Variants in TNS4 observed in about 807,000 individuals in gnomAD.
TNS4 encodes tensin-4.
In TNS4, 46 loss-of-function variants were observed where a neutral mutation model predicts 70.4. The ratio of observed to expected loss-of-function variants is 0.65; its 90% CI spans 0.52 to 0.84. TNS4 has a LOEUF of 0.84. TNS4 is among the 40% of genes least tolerant of loss of function. The probability of loss-of-function intolerance (pLI) is 0.00; values close to 1 mark genes in which losing one functional copy is unlikely to be tolerated. For synonymous variants in TNS4, 390 were observed against 366.6 expected (o/e 1.06, Z -0.73); for missense variants, 863 against 907.0 (o/e 0.95, Z 0.62).
At chr17:40,500,722 C>G (rs1169078072) in intron 1 of TNS4, among the ~76,000 whole-genome samples, 1 of 152,186 alleles carries the variant, frequency 6.6e-6, no homozygotes, top group African/African-American at 2.4e-5. Flanking sequence ...TGAGTCTCCC[C>G]CAAAGCACTT....
intron 9 of TNS4, 68 bp from the exon 10 acceptor site, chr17:40,479,910 AG>A: frequency 6.7e-7 from 1 of 1,501,448 alleles, no homozygotes. Flanking sequence ...GCCCAGGGCC[AG>A]GGGAGGGGGT....
At chr17:40,492,608 T>G (rs1354068866) in intron 2 of TNS4, among the ~76,000 whole-genome samples, 1 of 141,158 alleles carries the variant, frequency 7.1e-6, no homozygotes, top group Non-Finnish European at 1.6e-5. Context: ...TTTTTTTTTT[T>G]TTTTTGTTTT....
chr17:40,479,201 G>A (rs1434827151), intron 10 of TNS4, among the ~76,000 whole-genome samples: 1 of 152,154 alleles, frequency 6.6e-6, no homozygotes, highest in Non-Finnish European at 1.5e-5. Flanking sequence ...AGGTTGGAGT[G>A]CAATGGCGTG....
rs371192811 is a variant in TNS4 at position 40,482,152 on chromosome 17, C to T, written c.1649G>A (p.Cys550Tyr). 2.5e-6 allele frequency: 4 copies of T among 1,614,160 alleles called. No homozygotes were observed. Among genetic ancestry groups the T allele is most frequent in the Non-Finnish European group, 3.4e-6 (4 of 1,180,010 alleles). Residue 550 changes from cysteine to tyrosine, a missense_variant, in exon 8 of 13, where the codon TGC becomes TAC. By Grantham distance (194) the Cys-to-Tyr change is radical. Coordinates refer to ENST00000254051, the MANE Select transcript of TNS4 (RefSeq NM_032865.6). The part of the protein sequence containing the change: ...QHSIMALALP[C>Y]KLTIPQRELG... The stretch of plus-strand genomic sequence containing the variant: ...ACCTCTCTGTGGGATGGTGAGTTTG[C>T]AGGGCAGGGCCAGGGCCATGATGGA...
At chr17:40,478,172 A>T in intron 12 of TNS4, 135 bp downstream of exon 12, 1 of 1,151,880 alleles carries the variant, frequency 8.7e-7, no homozygotes, top group Non-Finnish European at 1.3e-6. Flanking sequence ...CTTTCCCATC[A>T]GATGGGAGCT....
chr17:40,477,500 G>T lies in TNS4; in HGVS notation c.*88C>A, dbSNP rs2143771990. The T allele has an allele frequency of 3.2e-6, 5 of 1,551,866 alleles. No individual in the cohort carries two copies. In the East Asian group the frequency reaches 1.1e-4, roughly 35 times the overall value. ...TCCCATAGATTGGTCTGTCAATATG[G>T]CCACAAGCCACACCCATTCAGGGGG... On this transcript the variant is annotated 3_prime_UTR_variant, in exon 13 of 13. Transcript: ENST00000254051.
chr17:40,490,436 G>T (rs1435384276), intron 2 of TNS4, among the ~76,000 whole-genome samples: 2 of 152,260 alleles, frequency 1.3e-5, no homozygotes, highest in Admixed American at 1.3e-4. Flanking sequence ...TCTGAAGAGT[G>T]TGAGTCTTGC....
chr17:40,492,168 G>A (rs1266468753), intron 2 of TNS4, among the ~76,000 whole-genome samples: 1 of 152,166 alleles, frequency 6.6e-6, no homozygotes, highest in Non-Finnish European at 1.5e-5. Context: ...TGCCCCAGAG[G>A]GCAGAAGACT....
At chr17:40,494,620 T>C (rs1344138829) in intron 2 of TNS4, among the ~76,000 whole-genome samples, 1 of 151,400 alleles carries the variant, frequency 6.6e-6, no homozygotes, top group Non-Finnish European at 1.5e-5. Flanking sequence ...TAATCTCAGC[T>C]ACTGGGGAGG....
chr17:40,495,697 G>A (rs375396562), intron 2 of TNS4, among the ~76,000 whole-genome samples: 2 of 152,222 alleles, frequency 1.3e-5, no homozygotes, highest in African/African-American at 4.8e-5. Context: ...TATGGGCACG[G>A]CACTGCACAA....
intron 12 of TNS4, 129 bp from the exon 13 acceptor site, chr17:40,477,858 C>T: frequency 1.2e-6 from 1 of 824,606 alleles, no homozygotes. Flanking sequence ...CAATTGACTC[C>T]AGCACCTCCT....
At chr17:40,482,009 GCA>G (rs2035927479) in intron 8 of TNS4, 118 bp downstream of exon 8, 1 of 1,146,662 alleles carries the variant, frequency 8.7e-7, no homozygotes, top group African/African-American at 1.6e-5. Flanking sequence ...CGACTCCAGT[GCA>G]CACAGTTTTA....
chr17:40,489,768 C>G (rs2036042584), intron 2 of TNS4, among the ~76,000 whole-genome samples: 1 of 139,224 alleles, frequency 7.2e-6, no homozygotes, highest in Admixed American at 7.8e-5. Context: ...GCACTCCAGC[C>G]TGAGTGACAA....
Position 40,477,534 on chromosome 17 carries a change from G to T in TNS4, c.*54C>A. 6.2e-7 allele frequency: 1 copy of T among 1,602,848 alleles called. No individual in the cohort carries two copies. Among genetic ancestry groups the T allele is most frequent in the Non-Finnish European group, 8.5e-7 (1 of 1,173,372 alleles). Reference sequence around the variant, plus strand: ...CACACCCATTCAGGGGGTGGAGGGGGGCTCCTTAGCGAGCCCCTGGAGGTG... The same window carrying T: ...CACACCCATTCAGGGGGTGGAGGGGTGCTCCTTAGCGAGCCCCTGGAGGTG... On this transcript the variant is annotated 3_prime_UTR_variant, in exon 13 of 13. Transcript: ENST00000254051.
chr17:40,482,457 C>T (rs1055102422), intron 6 of TNS4, 41 bp from the exon 7 acceptor site: 1 of 1,605,180 alleles, frequency 6.2e-7, no homozygotes, highest in Non-Finnish European at 8.5e-7. Flanking sequence ...AGAATTCCAC[C>T]TTGTGGCCGG....
At chr17:40,480,229 T>C (rs1223375516) in intron 9 of TNS4, among the ~76,000 whole-genome samples, 1 of 152,140 alleles carries the variant, frequency 6.6e-6, no homozygotes, top group Non-Finnish European at 1.5e-5. Flanking sequence ...GGGAAGGAAA[T>C]TGTTCGTGCT....
intron 10 of TNS4, among the ~76,000 whole-genome samples, chr17:40,478,884 A>G (rs747711616): frequency 1.3e-5 from 2 of 151,850 alleles, no homozygotes; most frequent in African/African-American, 2.4e-5. Context: ...TTTCTATCAC[A>G]CCCCTACCAC....
Position 40,488,674 on chromosome 17 carries a change from A to G in TNS4, c.735T>C (p.Gly245=), listed in dbSNP as rs2143808070. 1 of 1,571,720 alleles carries G rather than the reference A, an allele frequency of 6.4e-7. No homozygotes were observed. The highest frequency in any genetic ancestry group is 1.1e-5 in the South Asian group (1 of 87,058). The part of the protein sequence containing the change: ...CMGSKASSPH[G]LGSPLVASPR... The stretch of plus-strand genomic sequence containing the variant: ...GAGAAGCCACCAGCGGGGAGCCCAA[A>G]CCATGGGGGCTCGAGGCCTTGCTCC... The change falls in exon 3 of 13, where the codon GGT becomes GGC. Residue 245 remains glycine, a synonymous_variant. Transcript: ENST00000254051.
chr17:40,488,493 T>C (rs1027383032), intron 3 of TNS4, 53 bp downstream of exon 3: 70 of 1,438,276 alleles, frequency 4.9e-5, no homozygotes, highest in Non-Finnish European at 6.0e-5. Flanking sequence ...AGGGGGTGCA[T>C]GCGTGCGTGT....
Sources: gnomAD v4.1 joint callset for allele counts (sites outside exome capture counted in the v4.1 genomes callset) on GRCh38, gnomAD v4.1.1 for gene constraint, MANE v1.5 for transcripts, NCBI Gene and HGNC (gene_info 2026-07-23, HGNC 2026-07-21) for gene names.